LHPP: variants seen among roughly 807,000 people sequenced by gnomAD.
LHPP encodes the protein hLHPP.
Under a neutral mutation model 30.3 loss-of-function variants are expected in LHPP, and 24 were observed. That is an observed-to-expected ratio of 0.79 (90% confidence interval 0.57 to 1.11). The LOEUF (loss-of-function observed/expected upper bound fraction) is 1.11, where lower values mean the gene tolerates loss of function less well. Ranked by LOEUF, LHPP falls within the 50% of genes most tolerant of loss-of-function variation. The pLI is 0.00. For missense variants in LHPP, 356 were observed against 367.2 expected, an observed-to-expected ratio of 0.97 and a Z score of 0.25; for synonymous variants, 150 against 157.1, an observed-to-expected ratio of 0.95 and a Z score of 0.34.
intron 6 of LHPP, among the ~76,000 whole-genome samples, chr10:124,571,091 G>A (rs994180621): frequency 2.0e-5 from 3 of 152,242 alleles, no homozygotes; most frequent in African/African-American, 7.2e-5. Flanking sequence ...CGCCATGTGA[G>A]ACATGCCTTT....
chr10:124,597,231 C>T (rs1052342291), intron 6 of LHPP, among the ~76,000 whole-genome samples: 1 of 152,154 alleles, frequency 6.6e-6, no homozygotes, highest in African/African-American at 2.4e-5. Context: ...TCGTGGGACC[C>T]GCCTAGTGAT....
chr10:124,571,201 T>C (rs1948580244), intron 6 of LHPP, among the ~76,000 whole-genome samples: 1 of 152,248 alleles, frequency 6.6e-6, no homozygotes. Flanking sequence ...TGGTATGTCT[T>C]TATCAGCAGT....
chr10:124,561,241 C>A (rs983779975), intron 6 of LHPP, among the ~76,000 whole-genome samples: 1 of 152,168 alleles, frequency 6.6e-6, no homozygotes, highest in African/African-American at 2.4e-5. Context: ...CCCTGTGGCC[C>A]CCTCAGCTAC....
At chr10:124,531,349 A>T (rs972063319) in intron 6 of LHPP, among the ~76,000 whole-genome samples, 8 of 152,060 alleles carry the variant, frequency 5.3e-5, no homozygotes, top group African/African-American at 1.7e-4. Context: ...ATTACCTGGC[A>T]CTCCCTGGAG....
At chr10:124,470,320 G>C (rs980140125) in intron 1 of LHPP, among the ~76,000 whole-genome samples, 1 of 152,170 alleles carries the variant, frequency 6.6e-6, no homozygotes, top group Non-Finnish European at 1.5e-5. Context: ...CGTTTTTGGA[G>C]CCGGCGGAAG....
chr10:124,462,077 C>G (rs1952415453), intron 1 of LHPP, 90 bp downstream of exon 1: 18 of 1,116,134 alleles, frequency 1.6e-5, no homozygotes, highest in Non-Finnish European at 2.0e-5. Flanking sequence ...CGGCAGGGGG[C>G]GGGGCCGCGG....
chr10:124,517,619 C>T lies in LHPP; in HGVS notation c.716+348C>T, dbSNP rs1054100784. Among the ~76,000 whole-genome samples the T allele has an allele frequency of 2.6e-5, 4 of 152,312 alleles. No individual in the cohort carries two copies. The highest frequency in any genetic ancestry group is 1.9e-4 in the East Asian group (1 of 5,178). ...GGCAATTTGATCAGACCCTGCACTA[C>T]GGCAGTTACAGCTGTGGGCACTCAG... On this transcript the variant is annotated intron_variant, in intron 6 of 6. Transcript: ENST00000368842. The surrounding 1 kb of genome is among the most constrained non-coding windows in gnomAD (Gnocchi z 4.1).
At chr10:124,504,397 GCCTGGGCAACACGGAAAA>G (rs1953999969) in intron 5 of LHPP, among the ~76,000 whole-genome samples, 1 of 146,652 alleles carries the variant, frequency 6.8e-6, no homozygotes, top group Non-Finnish European at 1.5e-5. Context: ...TTTGAGACCA[GCCTGGGCAACACGGAAAA>G]ACCCCGTCTC....
chr10:124,506,379 C>T (rs552364934), intron 5 of LHPP, among the ~76,000 whole-genome samples: 22 of 151,218 alleles, frequency 1.5e-4, no homozygotes, highest in South Asian at 6.3e-4. Context: ...TCCCACTGTC[C>T]GCCCACTACA....
rs1466803609 is a variant in LHPP, at chr10:124,596,867, G to A, written c.717-16397G>A. On this transcript the variant is annotated intron_variant, in intron 6 of 6. Coordinates refer to ENST00000368842, the MANE Select transcript of LHPP (RefSeq NM_022126.4). The surrounding 1 kb of genome is among the most constrained non-coding windows in gnomAD (Gnocchi z 4.6). ...GGCTGGTAAAGTTTTGTTTCTGGCT[G>A]GTTAAGTGTGTCTGTGAGGGTGTTG... Among the ~76,000 whole-genome samples, 2 of 152,228 alleles carry A rather than the reference G, an allele frequency of 1.3e-5. No individual in the cohort carries two copies. The highest frequency in any genetic ancestry group is 2.9e-5 in the Non-Finnish European group (2 of 68,036).
chr10:124,516,793 G>C (rs1304277239), intron 5 of LHPP, among the ~76,000 whole-genome samples: 2 of 152,120 alleles, frequency 1.3e-5, no homozygotes, highest in Non-Finnish European at 2.9e-5. Flanking sequence ...CCAGAGATTT[G>C]CTTCACTTTC....
intron 6 of LHPP, among the ~76,000 whole-genome samples, chr10:124,539,567 C>T (rs1303187380): frequency 6.6e-6 from 1 of 152,048 alleles, no homozygotes; most frequent in Non-Finnish European, 1.5e-5. Flanking sequence ...TCGAGACCGC[C>T]TCTACTAAAA....
chr10:124,599,441 G>C (rs1948994512), intron 6 of LHPP, among the ~76,000 whole-genome samples: 1 of 152,222 alleles, frequency 6.6e-6, no homozygotes, highest in Non-Finnish European at 1.5e-5. Flanking sequence ...AGGTCACACA[G>C]AGCTCAGGGC....
chr10:124,566,649 G>A (rs1398015930), intron 6 of LHPP, among the ~76,000 whole-genome samples: 4 of 152,166 alleles, frequency 2.6e-5, no homozygotes, highest in Admixed American at 2.0e-4. Flanking sequence ...ACCAGCACAC[G>A]TCTGCCTTTT....
At chr10:124,511,312 A>G (rs1954288352) in intron 5 of LHPP, among the ~76,000 whole-genome samples, 1 of 152,226 alleles carries the variant, frequency 6.6e-6, no homozygotes, top group Non-Finnish European at 1.5e-5. Context: ...TAAAGACCAC[A>G]TGATTACATT....
chr10:124,603,303 CA>C (rs1159741817), intron 6 of LHPP, among the ~76,000 whole-genome samples: 2 of 152,158 alleles, frequency 1.3e-5, no homozygotes, highest in South Asian at 2.1e-4. Flanking sequence ...TGTAGGGGCT[CA>C]GGGGGAGGGG....
At chr10:124,528,551 G>A (rs1225404626) in intron 6 of LHPP, among the ~76,000 whole-genome samples, 2 of 152,116 alleles carry the variant, frequency 1.3e-5, no homozygotes, top group East Asian at 3.9e-4. Context: ...TAGAGACGGG[G>A]TTTCGCCATG....
chr10:124,489,004 T>G (rs1172001226), intron 3 of LHPP, among the ~76,000 whole-genome samples: 1 of 152,202 alleles, frequency 6.6e-6, no homozygotes, highest in African/African-American at 2.4e-5. Flanking sequence ...CTACCCAGTC[T>G]GGGCACCGAC....
chr10:124,513,894 G>C (rs976544336), intron 5 of LHPP, among the ~76,000 whole-genome samples: 1 of 152,150 alleles, frequency 6.6e-6, no homozygotes, highest in African/African-American at 2.4e-5. Context: ...GGCGAGGACT[G>C]TATGACTCCC....
Sources: allele counts gnomAD v4.1 joint callset (sites outside exome capture counted in the v4.1 genomes callset), GRCh38; gene constraint gnomAD v4.1.1; non-coding constraint Gnocchi (gnomAD v3.1); transcripts MANE v1.5; gene names NCBI Gene and HGNC (gene_info 2026-07-23, HGNC 2026-07-21).